The following KPNA7 variants were observed in gnomAD, a reference collection of about 807,000 sequenced individuals.
The protein encoded by KPNA7 is importin subunit alpha-8.
A neutral mutation model predicts 53.7 loss-of-function variants in KPNA7; 54 were observed. The observed-to-expected ratio is 1.01, with a 90% CI of 0.81 to 1.26. The LOEUF (loss-of-function observed/expected upper bound fraction) is 1.26, where lower values mean the gene tolerates loss of function less well. Ranked by LOEUF, KPNA7 falls within the 50% of genes most tolerant of loss-of-function variation. The pLI, the probability that KPNA7 is intolerant of heterozygous loss-of-function variation, is 0.00. For missense variants in KPNA7, 640 were observed against 644.5 expected (o/e 0.99, Z 0.07); for synonymous variants, 276 against 259.3 (o/e 1.06, Z -0.62).
chr7:99,161,035 A>G, the KPNA7 span, among the ~76,000 whole-genome samples: 2 of 151,994 alleles, frequency 1.3e-5, no homozygotes, highest in African/African-American at 4.8e-5. Flanking sequence ...TTATTTTCGT[A>G]TATTTTAGTA....
intron 6 of KPNA7, among the ~76,000 whole-genome samples, chr7:99,188,839 G>A (rs1435950445): frequency 2.0e-5 from 3 of 152,050 alleles, no homozygotes; most frequent in African/African-American, 7.2e-5. Flanking sequence ...CACCACACAC[G>A]CCCAGCTAAT....
intron 3 of KPNA7, among the ~76,000 whole-genome samples, chr7:99,199,688 A>G: frequency 6.6e-6 from 1 of 152,172 alleles, no homozygotes; most frequent in Non-Finnish European, 1.5e-5. Context: ...TAGGCAATGA[A>G]TTTTTAGATA....
chr7:99,167,040 A>G, the KPNA7 span, among the ~76,000 whole-genome samples: 1 of 152,238 alleles, frequency 6.6e-6, no homozygotes, highest in Non-Finnish European at 1.5e-5. Context: ...TTCCCATAAT[A>G]TTTAGAATAA....
At chr7:99,202,180 A>T (rs915145752) in intron 3 of KPNA7, among the ~76,000 whole-genome samples, 1 of 152,142 alleles carries the variant, frequency 6.6e-6, no homozygotes, top group Admixed American at 6.6e-5. Flanking sequence ...CAAAAATGGA[A>T]CCAGTCTCTG....
At chr7:99,153,616 G>T in the KPNA7 span, among the ~76,000 whole-genome samples, 1 of 151,720 alleles carries the variant, frequency 6.6e-6, no homozygotes, top group African/African-American at 2.4e-5. Flanking sequence ...AACAGACTTT[G>T]GTTTCCTTCG....
intron 10 of KPNA7, among the ~76,000 whole-genome samples, chr7:99,174,718 GGTATAGTT>G (rs1420577141): frequency 1.3e-5 from 2 of 152,032 alleles, no homozygotes; most frequent in African/African-American, 4.8e-5. Flanking sequence ...GCAAATGATA[GGTATAGTT>G]ACTACTTCTA....
In KPNA7 at chr7:99,188,441, C is replaced by T. The variant is rs756231509; in HGVS notation, c.759G>A (p.Gln253=). 1.7e-5 allele frequency: 26 copies of T among 1,551,540 alleles called. No individual in the cohort carries two copies. Among genetic ancestry groups the T allele is most frequent in the Non-Finnish European group, 2.3e-5 (26 of 1,147,010 alleles). ...AGGCATCCGAGAGAACCTCACTGTC[C>T]TGGTGCTGCAGGAGGTGAAGGAGGG... ...LPALLHLLQH[Q]DSEVLSDACW... Residue 253 remains glutamine (Q), a synonymous_variant, in exon 7 of 11, where the codon CAG becomes CAA. Coordinates refer to ENST00000327442, the MANE Select transcript of KPNA7 (RefSeq NM_001145715.3).
intron 5 of KPNA7, among the ~76,000 whole-genome samples, chr7:99,193,685 C>T (rs866951281): frequency 3.1e-4 from 45 of 147,320 alleles, no homozygotes; most frequent in African/African-American, 8.8e-4. Flanking sequence ...TTTTTTTTGG[C>T]GGGGGAGGGG....
rs1010961071 is a variant in KPNA7, at chr7:99,190,628, T to C, written c.637-2065A>G. Among the ~76,000 whole-genome samples the C allele has an allele frequency of 4.0e-5, 6 of 151,550 alleles. No individual in the cohort carries two copies. The South Asian group carries it at 1.2e-3, about 32-fold the overall frequency. ...CCTTGTAGACCAGACAGTATGTAAA[T>C]GAGTGTGGCTGCATGCCAGTAAAAC... On this transcript the variant is annotated intron_variant, in intron 6 of 10. Coordinates refer to ENST00000327442, the MANE Select transcript of KPNA7 (RefSeq NM_001145715.3).
chr7:99,183,843 G>GTT (rs1267983323), intron 8 of KPNA7, among the ~76,000 whole-genome samples: 1 of 152,010 alleles, frequency 6.6e-6, no homozygotes, highest in Non-Finnish European at 1.5e-5. Context: ...GAGAAATAAT[G>GTT]TTTTTTTGTT....
intron 3 of KPNA7, among the ~76,000 whole-genome samples, chr7:99,200,703 C>CCT (rs1790480763): frequency 6.6e-6 from 1 of 152,126 alleles, no homozygotes; most frequent in Non-Finnish European, 1.5e-5. Context: ...AGGCCAGACA[C>CCT]GGTGGCTCAC....
chr7:99,177,850 C>A, intron 10 of KPNA7, 70 bp downstream of exon 10: 1 of 1,497,128 alleles, frequency 6.7e-7, no homozygotes. Context: ...CAGGCCCCGG[C>A]AGGGTGACCC....
chr7:99,163,130 G>A, the KPNA7 span, among the ~76,000 whole-genome samples: 1 of 151,552 alleles, frequency 6.6e-6, no homozygotes, highest in Non-Finnish European at 1.5e-5. Flanking sequence ...GCAGTGAGCC[G>A]AGACTGCGTG....
intron 10 of KPNA7, among the ~76,000 whole-genome samples, chr7:99,174,148 T>C (rs1798823798): frequency 6.6e-6 from 1 of 152,154 alleles, no homozygotes; most frequent in Non-Finnish European, 1.5e-5. Context: ...CCACCTGAGC[T>C]CTGCCTCCCT....
At chr7:99,187,893 T>G (rs550157959) in intron 7 of KPNA7, among the ~76,000 whole-genome samples, 13 of 143,666 alleles carry the variant, frequency 9.0e-5, no homozygotes, top group Non-Finnish European at 1.4e-4. Context: ...GTAGCAAAGA[T>G]GGGCAGGCAC....
intron 3 of KPNA7, among the ~76,000 whole-genome samples, chr7:99,202,540 T>C (rs549816047): frequency 1.3e-5 from 2 of 152,042 alleles, no homozygotes; most frequent in Non-Finnish European, 2.9e-5. Context: ...AAGTAAATTT[T>C]CAATTAGAAA....
chr7:99,169,771 T>C (rs140545575), downstream of KPNA7, among the ~76,000 whole-genome samples: 21 of 151,788 alleles, frequency 1.4e-4, no homozygotes, highest in Admixed American at 4.6e-4. Context: ...CCAGGCGCAG[T>C]GGCTCACGCC....
chr7:99,191,344 C>T (rs540901000), intron 6 of KPNA7, among the ~76,000 whole-genome samples: 5 of 151,876 alleles, frequency 3.3e-5, no homozygotes, highest in Admixed American at 6.6e-5. Context: ...TTTTAGGAGA[C>T]GGGGTTTCAC....
At chr7:99,205,566 G>A (rs1277775991) in intron 2 of KPNA7, among the ~76,000 whole-genome samples, 2 of 151,146 alleles carry the variant, frequency 1.3e-5, no homozygotes, top group African/African-American at 2.4e-5. Context: ...ACAGAGATGG[G>A]GGGCTGGGAG....
Sources: gnomAD v4.1 joint callset for allele counts (sites outside exome capture counted in the v4.1 genomes callset) on GRCh38, gnomAD v4.1.1 for gene constraint, MANE v1.5 for transcripts, NCBI Gene and HGNC (gene_info 2026-07-23, HGNC 2026-07-21) for gene names.